The following PCDH9 variants were observed in gnomAD, a reference collection of about 807,000 sequenced individuals.
The protein encoded by PCDH9 is protocadherin 9.
In PCDH9, 24 loss-of-function variants were observed where a neutral mutation model predicts 70.6. That is an observed-to-expected ratio of 0.34 (90% CI 0.25 to 0.48). The LOEUF (loss-of-function observed/expected upper bound fraction) is 0.48. PCDH9 is among the 20% of genes least tolerant of loss of function. The pLI is 0.99. For synonymous variants in PCDH9, 562 were observed against 558.5 expected, an observed-to-expected ratio of 1.01 and a Z score of -0.09; for missense variants, 1,281 against 1,503.6, an observed-to-expected ratio of 0.85 and a Z score of 2.45.
intron 4 of PCDH9, among the ~76,000 whole-genome samples, chr13:66,332,745 G>A (rs769540114): frequency 1.2e-4 from 18 of 151,890 alleles, no homozygotes; most frequent in Non-Finnish European, 2.5e-4. Context: ...GGAACCAGAG[G>A]AGAAGGGGAC....
At chr13:67,219,538 A>T (rs568141060) in intron 2 of PCDH9, 16 of 152,140 alleles carry the variant, frequency 1.1e-4, no homozygotes, top group African/African-American at 3.6e-4. Flanking sequence ...TCTATAAGAC[A>T]TTAGCATTAT....
chr13:66,633,034 T>G (rs781223026), intron 3 of PCDH9, among the ~76,000 whole-genome samples: 26 of 152,106 alleles, frequency 1.7e-4, no homozygotes, highest in Non-Finnish European at 3.1e-4. Context: ...GAATGCATAC[T>G]TATAGACTGA....
In PCDH9 at chr13:66,324,909, T is replaced by A. The variant is rs1310673052; in HGVS notation, c.3341-19881A>T. ...TACTCATGCTAAAATCAAGTAAAAC[T>A]GGACACATATGCAAACTTAGAGCGT... is the stretch of plus-strand genomic sequence containing the variant. On this transcript the variant is annotated intron_variant, in intron 4 of 4. Transcript: ENST00000377865. Among the ~76,000 whole-genome samples, 10 of 152,094 alleles carry A rather than the reference T, an allele frequency of 6.6e-5. No homozygotes were observed. In the East Asian group the frequency reaches 1.7e-3, roughly 26 times the overall value.
intron 3 of PCDH9, among the ~76,000 whole-genome samples, chr13:66,808,575 C>A (rs1382123077): frequency 6.6e-5 from 10 of 152,154 alleles, no homozygotes; most frequent in Admixed American, 6.5e-4. Flanking sequence ...TAAACCAGTT[C>A]TTCATAGTTG....
intron 4 of PCDH9, among the ~76,000 whole-genome samples, chr13:66,395,401 G>C (rs1458429961): frequency 1.3e-5 from 2 of 152,060 alleles, no homozygotes; most frequent in African/African-American, 4.8e-5. Flanking sequence ...AGGAGTTCGA[G>C]ACCAGCCTGG....
chr13:66,953,886 C>T (rs935753751), intron 2 of PCDH9, among the ~76,000 whole-genome samples: 4 of 152,132 alleles, frequency 2.6e-5, no homozygotes, highest in Admixed American at 6.5e-5. Flanking sequence ...GCAGAGATAC[C>T]GGAAGACGTA....
intron 2 of PCDH9, chr13:66,985,584 A>G (rs1371008282): frequency 6.6e-6 from 1 of 151,976 alleles, no homozygotes; most frequent in Non-Finnish European, 1.5e-5. Flanking sequence ...CTATAATTGT[A>G]TTTTGGTTTC....
chr13:67,207,635 T>C (rs1025698163), intron 2 of PCDH9: 2 of 152,222 alleles, frequency 1.3e-5, no homozygotes, highest in Non-Finnish European at 2.9e-5. Flanking sequence ...TGATCTTCTC[T>C]TTACAAAGCC....
chr13:66,396,458 G>A (rs1415512811), intron 4 of PCDH9, among the ~76,000 whole-genome samples: 1 of 152,098 alleles, frequency 6.6e-6, no homozygotes, highest in Non-Finnish European at 1.5e-5. Context: ...AAACTTTCAC[G>A]TACCAGCCAA....
At chr13:66,714,765 A>G (rs1029917927) in intron 3 of PCDH9, among the ~76,000 whole-genome samples, 7 of 152,188 alleles carry the variant, frequency 4.6e-5, no homozygotes, top group African/African-American at 1.7e-4. Context: ...GCTATCACAT[A>G]AAAGATTACT....
intron 4 of PCDH9, among the ~76,000 whole-genome samples, chr13:66,520,157 C>G (rs1225722245): frequency 6.6e-6 from 1 of 152,114 alleles, no homozygotes; most frequent in African/African-American, 2.4e-5. Context: ...ACCTTCAATA[C>G]TATCATTTAT....
chr13:66,873,773 T>C (rs1213319901), intron 3 of PCDH9, among the ~76,000 whole-genome samples: 1 of 152,066 alleles, frequency 6.6e-6, no homozygotes. Context: ...TTGCTACAAG[T>C]GTTCCTCCTT....
rs1175668215 is a variant in PCDH9 at position 66,328,115 on chromosome 13, ATCAG to A, written c.3341-23091_3341-23088del. Among the ~76,000 whole-genome samples the A allele has an allele frequency of 6.6e-5, 10 of 152,346 alleles. No individual in the cohort carries two copies. In the East Asian group the frequency reaches 1.9e-3, roughly 29 times the overall value. On this transcript the variant is annotated intron_variant, in intron 4 of 4. Transcript: ENST00000377865. ...TATAATTAGTTATTGCATAAAACTC[ATCAG>A]TCAGTTTTTAATCTTCAAAGATTTA...
intron 4 of PCDH9, among the ~76,000 whole-genome samples, chr13:66,442,530 A>T (rs1957993281): frequency 6.6e-6 from 1 of 152,128 alleles, no homozygotes; most frequent in South Asian, 2.1e-4. Flanking sequence ...CTATGATGAT[A>T]AAAAATCTCT....
intron 2 of PCDH9, among the ~76,000 whole-genome samples, chr13:66,964,692 T>G (rs1309727134): frequency 6.6e-6 from 1 of 152,118 alleles, no homozygotes; most frequent in Non-Finnish European, 1.5e-5. Flanking sequence ...AGTCCTTTCT[T>G]GGCAAAATGT....
At chr13:66,503,589 C>A (rs1300824013) in intron 4 of PCDH9, among the ~76,000 whole-genome samples, 1 of 152,000 alleles carries the variant, frequency 6.6e-6, no homozygotes, top group Non-Finnish European at 1.5e-5. Context: ...AGTATATATA[C>A]CAATAATGTC....
At chr13:66,926,116 C>T (rs1223749086) in intron 2 of PCDH9, among the ~76,000 whole-genome samples, 2 of 151,920 alleles carry the variant, frequency 1.3e-5, no homozygotes, top group Non-Finnish European at 2.9e-5. Context: ...ATTACAACTT[C>T]TCCTGTTCCC....
chr13:66,983,648 C>T (rs931560920), intron 2 of PCDH9, among the ~76,000 whole-genome samples: 1 of 152,074 alleles, frequency 6.6e-6, no homozygotes, highest in Non-Finnish European at 1.5e-5. Context: ...CGACAGAAAT[C>T]ATAAAACTTT....
intron 2 of PCDH9, among the ~76,000 whole-genome samples, chr13:67,177,732 C>A (rs2088502639): frequency 6.6e-6 from 1 of 152,064 alleles, no homozygotes; most frequent in South Asian, 2.1e-4. Context: ...CACTGATGGT[C>A]CTGAAATCTC....
Sources: gnomAD v4.1 joint callset for allele counts (sites outside exome capture counted in the v4.1 genomes callset) on GRCh38, gnomAD v4.1.1 for gene constraint, MANE v1.5 for transcripts, NCBI Gene and HGNC (gene_info 2026-07-23, HGNC 2026-07-21) for gene names.